Variants in KRT32 observed in about 807,000 individuals in gnomAD.
KRT32 encodes the protein keratin 32.
Under a neutral mutation model 41.8 loss-of-function variants are expected in KRT32, and 44 were observed. The observed-to-expected ratio is 1.05, with a 90% confidence interval of 0.83 to 1.35. The LOEUF (loss-of-function observed/expected upper bound fraction) is 1.35, where lower values mean the gene tolerates loss of function less well. Ranked by LOEUF, KRT32 falls within the 40% of genes most tolerant of loss-of-function variation. KRT32 has a pLI of 0.00. For missense variants in KRT32, 576 were observed against 584.6 expected (o/e 0.99, Z 0.15); for synonymous variants, 238 against 242.5 (o/e 0.98, Z 0.17).
At position 41,460,084 on chromosome 17, in the gene KRT32, C is replaced by T; in HGVS notation, c.*26G>A. On this transcript the variant is annotated 3_prime_UTR_variant, in exon 7 of 7. Transcript: ENST00000225899. Reference sequence around the variant, plus strand: ...ACCAGGCTGCCCAGCCCCAGGCCCTCCAGGATCCACTGGCACAAAGGGACT... The same window carrying T: ...ACCAGGCTGCCCAGCCCCAGGCCCTTCAGGATCCACTGGCACAAAGGGACT... 6.3e-7 allele frequency: 1 copy of T among 1,578,686 alleles called. No individual in the cohort carries two copies. Among genetic ancestry groups the T allele is most frequent in the Non-Finnish European group, 8.6e-7 (1 of 1,162,630 alleles).
rs774203140 is a variant in KRT32 at position 41,464,384 on chromosome 17, T to G, written c.768A>C (p.Ala256=). ...GCACCCTGGTCAGGTCCACCGGGGG[T>G]GCAGCGTCCACCTCGATGTTAAGGC... is the stretch of plus-strand genomic sequence containing the variant. ...GDRLNIEVDA[A]PPVDLTRVLE... The change falls in exon 4 of 7, where the codon GCA becomes GCC. Residue 256 remains alanine, a synonymous_variant. Transcript: ENST00000225899. 1.9e-6 allele frequency: 3 copies of G among 1,608,428 alleles called. No individual in the cohort carries two copies. The highest frequency in any genetic ancestry group is 2.5e-6 in the Non-Finnish European group (3 of 1,177,160).
At position 41,465,294 on chromosome 17, in the gene KRT32, G is replaced by C. The variant is rs375087977; in HGVS notation, c.708+479C>G. Among the ~76,000 whole-genome samples the C allele has an allele frequency of 1.0e-3, 159 of 152,294 alleles. 7 individuals are homozygous for C. In the South Asian group the frequency reaches 0.033, roughly 31 times the overall value. On this transcript the variant is annotated intron_variant, in intron 3 of 6. Coordinates refer to ENST00000225899, the MANE Select transcript of KRT32 (RefSeq NM_002278.3). ...ACTGCAGCTGTACTCCCTCTCAGAA[G>C]AGATGGGACTGCTTCTGAGAGTTGA...
In KRT32 at chr17:41,467,245, G is replaced by T; in HGVS notation, c.81C>A (p.Ser27Arg). Residue 27 changes from serine (S) to arginine (R), a missense_variant, in exon 1 of 7, where the codon AGC (serine) becomes AGA (arginine). Ser to Arg is a moderately radical substitution (Grantham distance 110). Transcript: ENST00000225899. ...SCPRPASVCS[S>R]GVNCRPELCL... ...ACAGCTCAGGCCGGCAGTTCACGCC[G>T]CTGGAACAGACCGAGGCAGGCCGGG... is the stretch of plus-strand genomic sequence containing the variant. 1 of 1,613,782 alleles carries T rather than the reference G, an allele frequency of 6.2e-7. No individual in the cohort carries two copies. The highest frequency in any genetic ancestry group is 8.5e-7 in the Non-Finnish European group (1 of 1,180,014).
At position 41,464,352 on chromosome 17, in the gene KRT32, T is replaced by A; in HGVS notation, c.800A>T (p.Glu267Val). Reference sequence around the variant, plus strand: ...CATGGCCTCGTACTGACACCGCATCTCCTCCAGCACCCTGGTCAGGTCCAC... The same window carrying A: ...CATGGCCTCGTACTGACACCGCATCACCTCCAGCACCCTGGTCAGGTCCAC... Reference protein sequence around the residue: ...PPVDLTRVLEEMRCQYEAMVE... With the variant: ...PPVDLTRVLEVMRCQYEAMVE... The change falls in exon 4 of 7, where the codon GAG becomes GTG. Residue 267 changes from glutamate (E) to valine (V), a missense_variant. Glu to Val is a moderately radical substitution (Grantham distance 121). Coordinates refer to ENST00000225899, the MANE Select transcript of KRT32 (RefSeq NM_002278.3). The A allele has an allele frequency of 6.2e-7, 1 of 1,612,386 alleles. No individual in the cohort carries two copies. The highest frequency in any genetic ancestry group is 8.5e-7 in the Non-Finnish European group (1 of 1,179,048).
At chr17:41,460,857 T>A (rs2018995338) in intron 6 of KRT32, among the ~76,000 whole-genome samples, 1 of 152,082 alleles carries the variant, frequency 6.6e-6, no homozygotes, top group Non-Finnish European at 1.5e-5. Flanking sequence ...TCCCAGAAGT[T>A]AAAGTAAAAT....
chr17:41,465,384 G>A (rs1344234443), intron 3 of KRT32, among the ~76,000 whole-genome samples: 2 of 151,830 alleles, frequency 1.3e-5, no homozygotes, highest in Non-Finnish European at 2.9e-5. Flanking sequence ...CGGCACCACT[G>A]CACCACTCTA....
chr17:41,465,842 C>T lies in KRT32; in HGVS notation c.639G>A (p.Lys213=). ...ACTCAACCTGGGCCTCCAGGTCAGC[C>T]TTGCACAGAGTGAGATCATCCAGGA... The part of the protein sequence containing the change: ...RRILDDLTLC[K]ADLEAQVESL... The change falls in exon 3 of 7, where the codon AAG becomes AAA. Residue 213 remains lysine, a synonymous_variant. Transcript: ENST00000225899. The T allele has an allele frequency of 1.2e-6, 2 of 1,614,086 alleles. No individual in the cohort carries two copies. The highest frequency in any genetic ancestry group is 1.7e-6 in the Non-Finnish European group (2 of 1,179,978).
intron 4 of KRT32, 37 bp from the exon 5 acceptor site, chr17:41,464,240 C>T (rs1230835553): frequency 1.3e-6 from 2 of 1,589,220 alleles, no homozygotes; most frequent in South Asian, 2.3e-5. Context: ...GAGTCCCTTC[C>T]TAGGGATATG....
chr17:41,466,829 G>A (rs367868844), intron 1 of KRT32, 29 bp downstream of exon 1: 5 of 1,507,700 alleles, frequency 3.3e-6, no homozygotes, highest in East Asian at 4.5e-5. Context: ...CCTTCCCAGA[G>A]AGCCTATTCA....
intron 3 of KRT32, 145 bp from the exon 4 acceptor site, chr17:41,464,588 A>G: frequency 1.5e-6 from 1 of 658,166 alleles, no homozygotes. Flanking sequence ...ACTCAGCAGC[A>G]TCCCAGTGCT....
At chr17:41,462,105 T>C (rs1398883932) in intron 6 of KRT32, among the ~76,000 whole-genome samples, 1 of 152,166 alleles carries the variant, frequency 6.6e-6, no homozygotes, top group Non-Finnish European at 1.5e-5. Flanking sequence ...GAGCATCTAC[T>C]ATGTGCCACG....
rs528543129 is a variant in KRT32 at position 41,463,479 on chromosome 17, T to G, written c.997-429A>C. ...CAGCACTCTGGGAGGCCAAGGCAGG[T>G]GGATCACCTGAGGTCAGGAGTTCGA... is the stretch of plus-strand genomic sequence containing the variant. On this transcript the variant is annotated intron_variant, in intron 5 of 6. Transcript: ENST00000225899. Among the ~76,000 whole-genome samples, 7 of 152,238 alleles carry G rather than the reference T, an allele frequency of 4.6e-5. No homozygotes were observed. The East Asian group carries it at 1.4e-3, about 29-fold the overall frequency.
intron 6 of KRT32, among the ~76,000 whole-genome samples, 186 bp downstream of exon 6, chr17:41,462,644 C>T (rs766230844): frequency 2.5e-4 from 38 of 152,196 alleles, no homozygotes; most frequent in Non-Finnish European, 3.8e-4. Context: ...CTCCGAGGGG[C>T]TTGGTTCAGG....
At chr17:41,466,030 G>T in intron 2 of KRT32, 64 bp downstream of exon 2, 1 of 1,604,820 alleles carries the variant, frequency 6.2e-7, no homozygotes, top group Non-Finnish European at 8.5e-7. Flanking sequence ...GAAACTAATG[G>T]AAAGTTGCCC....
intron 5 of KRT32, among the ~76,000 whole-genome samples, chr17:41,463,751 C>T (rs2019033089): frequency 1.3e-5 from 2 of 151,842 alleles, no homozygotes; most frequent in Non-Finnish European, 2.9e-5. Flanking sequence ...TCCAGAGACT[C>T]TGGTTCAGTT....
At chr17:41,461,836 C>T (rs544906336) in intron 6 of KRT32, among the ~76,000 whole-genome samples, 1 of 152,348 alleles carries the variant, frequency 6.6e-6, no homozygotes, top group Non-Finnish European at 1.5e-5. Context: ...CTACAACAGT[C>T]GTCAGCCCAC....
chr17:41,466,585 T>G (rs1370678662), intron 1 of KRT32, among the ~76,000 whole-genome samples: 1 of 152,180 alleles, frequency 6.6e-6, no homozygotes, highest in African/African-American at 2.4e-5. Context: ...CGACCATTAT[T>G]ATCCCTGTTT....
rs761068532 is a variant in KRT32, at chr17:41,465,888, T to C, written c.593A>G (p.Asp198Gly). The change falls in exon 3 of 7, where the codon GAC becomes GGC. Residue 198 changes from aspartate (D) to glycine (G), a missense_variant. Coordinates refer to ENST00000225899, the MANE Select transcript of KRT32 (RefSeq NM_002278.3). Reference protein sequence around the residue: ...ELAMRQLVEADINGLRRILDD... With the variant: ...ELAMRQLVEAGINGLRRILDD... Reference sequence around the variant, plus strand: ...CAGGATCCTGCGCAGGCCATTGATGTCGGCCTCCACCAGCTGCCGCATGGC... The same window carrying C: ...CAGGATCCTGCGCAGGCCATTGATGCCGGCCTCCACCAGCTGCCGCATGGC... 20 of 1,613,886 alleles carry C rather than the reference T, an allele frequency of 1.2e-5. No individual in the cohort carries two copies. In the South Asian group the frequency reaches 2.0e-4, roughly 16 times the overall value.
chr17:41,465,926 G>A lies in KRT32; in HGVS notation c.555C>T (p.Tyr185=), dbSNP rs772109125. 6 of 1,612,768 alleles carry A rather than the reference G, an allele frequency of 3.7e-6. No homozygotes were observed. Among genetic ancestry groups the A allele is most frequent in the African/African-American group, 1.3e-5 (1 of 74,880 alleles). Residue 185 remains tyrosine (Y), a synonymous_variant, in exon 3 of 7, where the codon TAC becomes TAT. Coordinates refer to ENST00000225899, the MANE Select transcript of KRT32 (RefSeq NM_002278.3). ...KLAADDFRAK[Y]EAELAMRQLV... ...GCTGCCGCATGGCCAGCTCTGCCTC[G>A]TACCTGCACAAGGACAGGGTCAGCA...
Sources: allele counts gnomAD v4.1 joint callset (sites outside exome capture counted in the v4.1 genomes callset), GRCh38; gene constraint gnomAD v4.1.1; transcripts MANE v1.5; gene names NCBI Gene and HGNC (gene_info 2026-07-23, HGNC 2026-07-21).